The following SHISAL1 variants were observed in gnomAD, a reference collection of about 807,000 sequenced individuals.
SHISAL1 encodes protein shisa-like-1.
Under a neutral mutation model 22.6 loss-of-function variants are expected in SHISAL1, and 9 were observed. That is an observed-to-expected ratio of 0.40 (90% CI 0.24 to 0.70). The LOEUF (loss-of-function observed/expected upper bound fraction) is 0.70. Ranked by LOEUF, SHISAL1 falls within the 30% of genes least tolerant of loss-of-function variation. SHISAL1 has a pLI of 0.39. For synonymous variants in SHISAL1, 119 were observed against 115.4 expected, an observed-to-expected ratio of 1.03 and a Z score of -0.20; for missense variants, 246 against 270.6, an observed-to-expected ratio of 0.91 and a Z score of 0.64.
intron 1 of SHISAL1, among the ~76,000 whole-genome samples, chr22:44,301,633 A>G (rs1431574267): frequency 1.3e-5 from 2 of 152,216 alleles, no homozygotes. Context: ...CCTTCACCTT[A>G]GTCAAAAGGT....
rs372224558 is a variant in SHISAL1 at position 44,296,636 on chromosome 22, G to C, written c.281+36C>G. The C allele has an allele frequency of 8.2e-6, 13 of 1,594,952 alleles. No homozygotes were observed. In the Middle Eastern group the frequency reaches 1.0e-3, roughly 127 times the overall value. On this transcript the variant is annotated intron_variant, in intron 3 of 4. Transcript: ENST00000381176. ...GAGGCAGGCCCCTTGCCTGGGGCCC[G>C]AGGCAGTGGGGTTGCACCCCCAGAG...
chr22:44,301,121 A>G (rs953849744), intron 1 of SHISAL1, 144 bp from the exon 2 acceptor site: 17 of 569,544 alleles, frequency 3.0e-5, no homozygotes, highest in African/African-American at 1.5e-4. Context: ...GACGATGGAG[A>G]TGCCGCCATC....
intron 4 of SHISAL1, among the ~76,000 whole-genome samples, chr22:44,250,584 C>T (rs151038788): frequency 3.3e-5 from 5 of 152,196 alleles, no homozygotes; most frequent in African/African-American, 9.6e-5. Context: ...TTACCTTCCC[C>T]GACTCCCTTG....
At chr22:44,271,638 G>C (rs565429746) in intron 4 of SHISAL1, among the ~76,000 whole-genome samples, 5 of 152,126 alleles carry the variant, frequency 3.3e-5, no homozygotes, top group African/African-American at 7.2e-5. Flanking sequence ...GGTCCTCCCT[G>C]ACCCATGTCG....
intron 4 of SHISAL1, among the ~76,000 whole-genome samples, chr22:44,281,837 T>C (rs961885646): frequency 5.9e-5 from 9 of 152,212 alleles, no homozygotes; most frequent in Non-Finnish European, 1.2e-4. Flanking sequence ...CGAAGGCAGC[T>C]GAGCATTGTG....
the SHISAL1 span, among the ~76,000 whole-genome samples, chr22:44,330,662 TG>T: frequency 6.9e-5 from 10 of 144,244 alleles, no homozygotes; most frequent in South Asian, 1.1e-3. Context: ...TTTTTCCCCC[TG>T]TTTTTTTTTC....
At chr22:44,262,926 AGAG>A (rs912416579) in intron 4 of SHISAL1, among the ~76,000 whole-genome samples, 34 of 152,248 alleles carry the variant, frequency 2.2e-4, no homozygotes, top group African/African-American at 8.2e-4. Context: ...AGACGAAAGC[AGAG>A]GAGTCATGAG....
the SHISAL1 span, among the ~76,000 whole-genome samples, chr22:44,331,714 AGCTGGGGCCGGGGCCGGGGCTGGG>A: frequency 3.1e-4 from 45 of 144,416 alleles, no homozygotes; most frequent in African/African-American, 8.5e-4. The surrounding 1 kb of genome is among the most constrained non-coding windows in gnomAD (Gnocchi z 5.2). Flanking sequence ...CGCGGCGCGG[AGCTGGGGCCGGGGCCGGGGCTGGG>A]GCTGGGGCCG....
chr22:44,245,996 G>C lies in SHISAL1; in HGVS notation c.*3689C>G, dbSNP rs578118520. On this transcript the variant is annotated 3_prime_UTR_variant, in exon 5 of 5. Coordinates refer to ENST00000381176, the MANE Select transcript of SHISAL1 (RefSeq NM_001099294.2). ...ATCACCTGTGTGTGTGCGCGCATGT[G>C]CATGTATGTACTTGTGTGTTTTTTC... 2 of 152,392 alleles carry C rather than the reference G, an allele frequency of 1.3e-5. No individual in the cohort carries two copies. Among genetic ancestry groups the C allele is most frequent in the Admixed American group, 1.3e-4 (2 of 15,306 alleles). The allele number at this position is 152,392 out of a possible 1,614,324, so 9.4% of individuals were successfully genotyped here. A position where few individuals can be genotyped will look rare whatever the true frequency, so the allele number is the denominator to read the frequency against.
At chr22:44,312,158 C>T (rs146624818) in intron 1 of SHISAL1, among the ~76,000 whole-genome samples, 2 of 152,216 alleles carry the variant, frequency 1.3e-5, no homozygotes, top group Admixed American at 6.5e-5. Flanking sequence ...GACAACAAAC[C>T]TGCCTTGAAG....
At chr22:44,268,124 A>G (rs2055177744) in intron 4 of SHISAL1, among the ~76,000 whole-genome samples, 1 of 152,184 alleles carries the variant, frequency 6.6e-6, no homozygotes, top group Admixed American at 6.5e-5. Context: ...CAGGGAACTT[A>G]GGGCCTTTAT....
chr22:44,305,493 G>A (rs889631863), intron 1 of SHISAL1, among the ~76,000 whole-genome samples: 26 of 152,234 alleles, frequency 1.7e-4, no homozygotes, highest in African/African-American at 2.4e-5. Context: ...AGAGATGAAC[G>A]CACACTGCAG....
At chr22:44,309,253 G>T (rs543641428) in intron 1 of SHISAL1, among the ~76,000 whole-genome samples, 1 of 152,206 alleles carries the variant, frequency 6.6e-6, no homozygotes, top group East Asian at 1.9e-4. Context: ...TTACAGCCTG[G>T]GGGGAGGCGG....
intron 4 of SHISAL1, among the ~76,000 whole-genome samples, chr22:44,251,603 A>G (rs1032470498): frequency 2.6e-5 from 4 of 152,214 alleles, no homozygotes; most frequent in African/African-American, 9.7e-5. Context: ...CCTCACAATC[A>G]TGGCAAAAGG....
intron 4 of SHISAL1, among the ~76,000 whole-genome samples, chr22:44,273,039 T>C (rs1384045215): frequency 1.3e-5 from 2 of 151,384 alleles, no homozygotes; most frequent in Non-Finnish European, 2.9e-5. Flanking sequence ...GAGGTTGCTG[T>C]GAGCTGAGAT....
At chr22:44,296,096 C>G (rs956272915) in intron 3 of SHISAL1, among the ~76,000 whole-genome samples, 11 of 152,208 alleles carry the variant, frequency 7.2e-5, no homozygotes, top group Non-Finnish European at 1.6e-4. Flanking sequence ...TCCTTAACCT[C>G]ACTTAGCTTC....
intron 4 of SHISAL1, 47 bp downstream of exon 4, chr22:44,285,380 CA>C: frequency 6.3e-7 from 1 of 1,590,898 alleles, no homozygotes; most frequent in South Asian, 1.1e-5. Context: ...CCAAGCTCTC[CA>C]AAGACAATGA....
chr22:44,314,874 A>T (rs1231300107), upstream of SHISAL1, among the ~76,000 whole-genome samples: 1 of 152,186 alleles, frequency 6.6e-6, no homozygotes, highest in Non-Finnish European at 1.5e-5. Flanking sequence ...GCCGCACAGA[A>T]CATTACGGGG....
intron 2 of SHISAL1, among the ~76,000 whole-genome samples, chr22:44,298,519 C>CGGTCACTGTCTG (rs2055403357): frequency 6.6e-6 from 1 of 152,252 alleles, no homozygotes; most frequent in Non-Finnish European, 1.5e-5. Context: ...TAGCCAGTTC[C>CGGTCACTGTCTG]GGTCACTGTC....
Sources: gnomAD v4.1 joint callset for allele counts (sites outside exome capture counted in the v4.1 genomes callset) on GRCh38, gnomAD v4.1.1 for gene constraint, Gnocchi (gnomAD v3.1) non-coding constraint, MANE v1.5 for transcripts, NCBI Gene and HGNC (gene_info 2026-07-23, HGNC 2026-07-21) for gene names.